Variants in SLC22A23 observed in about 807,000 individuals in gnomAD.
SLC22A23 encodes solute carrier family 22 member 23.
In SLC22A23, 26 loss-of-function variants were observed where a neutral mutation model predicts 61.0. The observed-to-expected ratio is 0.43, with a 90% CI of 0.31 to 0.59. The LOEUF is 0.59. SLC22A23 is among the 20% of genes least tolerant of loss of function. The pLI, the probability that SLC22A23 is intolerant of heterozygous loss-of-function variation, is 0.11. For synonymous variants in SLC22A23, 430 were observed against 413.9 expected (o/e 1.04, Z -0.47); for missense variants, 796 against 934.7 (o/e 0.85, Z 1.94).
chr6:3,280,556 C>T (rs917757691), intron 9 of SLC22A23, among the ~76,000 whole-genome samples: 1 of 133,062 alleles, frequency 7.5e-6, no homozygotes, highest in Non-Finnish European at 1.5e-5. Flanking sequence ...AGTGCAGTGG[C>T]GCGATCTCGG....
At position 3,387,310 on chromosome 6, in the gene SLC22A23, G is replaced by C. The variant is rs1022971546; in HGVS notation, c.913+22878C>G. On this transcript the variant is annotated intron_variant, in intron 3 of 9. Coordinates refer to ENST00000406686, the MANE Select transcript of SLC22A23 (RefSeq NM_015482.2). The surrounding 1 kb of genome is among the most constrained non-coding windows in gnomAD (Gnocchi z 5.0). ...GCCTCGATACGACGCCATGAGCAGGGTGGTGCTCTTCCCCCTAGTCTGATC... is the reference window on the plus strand; with the variant it reads ...GCCTCGATACGACGCCATGAGCAGGCTGGTGCTCTTCCCCCTAGTCTGATC... Among the ~76,000 whole-genome samples the C allele has an allele frequency of 6.6e-6, 1 of 152,230 alleles. No homozygotes were observed. The highest frequency in any genetic ancestry group is 1.5e-5 in the Non-Finnish European group (1 of 68,050).
chr6:3,385,372 C>G (rs374848941), intron 3 of SLC22A23, among the ~76,000 whole-genome samples: 1 of 152,024 alleles, frequency 6.6e-6, no homozygotes, highest in African/African-American at 2.4e-5. Flanking sequence ...AAAAATTAGC[C>G]GGGTGCGGTG....
chr6:3,397,542 A>G (rs1304641858), intron 3 of SLC22A23, among the ~76,000 whole-genome samples: 1 of 152,234 alleles, frequency 6.6e-6, no homozygotes, highest in Non-Finnish European at 1.5e-5. Flanking sequence ...GAGCTACTTT[A>G]CATGGTTACT....
intron 1 of SLC22A23, among the ~76,000 whole-genome samples, chr6:3,448,563 C>G (rs557904618): frequency 1.3e-5 from 2 of 152,022 alleles, no homozygotes; most frequent in African/African-American, 4.8e-5. Flanking sequence ...TTGTGATCTC[C>G]GCTCACTGCA....
At chr6:3,411,381 G>A (rs754282793) in intron 2 of SLC22A23, among the ~76,000 whole-genome samples, 11 of 152,126 alleles carry the variant, frequency 7.2e-5, no homozygotes, top group African/African-American at 1.7e-4. Context: ...TGTCCTAGAC[G>A]TGTTAATTAC....
intron 3 of SLC22A23, among the ~76,000 whole-genome samples, chr6:3,408,688 T>G (rs951572180): frequency 6.6e-6 from 1 of 152,212 alleles, no homozygotes; most frequent in Non-Finnish European, 1.5e-5. Context: ...TGCGGTAAGG[T>G]AATTTTCCAT....
intron 5 of SLC22A23, among the ~76,000 whole-genome samples, chr6:3,293,088 A>C (rs1207785486): frequency 6.6e-6 from 1 of 152,196 alleles, no homozygotes; most frequent in African/African-American, 2.4e-5. Context: ...CAGGGAAAAC[A>C]CACGCAGAGG....
At position 3,333,012 on chromosome 6, in the gene SLC22A23, C is replaced by T. The variant is rs961620950; in HGVS notation, c.914-9010G>A. On this transcript the variant is annotated intron_variant, in intron 3 of 9. Coordinates refer to ENST00000406686, the MANE Select transcript of SLC22A23 (RefSeq NM_015482.2). The surrounding 1 kb of genome is among the most constrained non-coding windows in gnomAD (Gnocchi z 4.1). ...GGTTCAGGTTTTTGGAAGAGCGTAT[C>T]GCAGCTGGTGCCTGTGCGTCACGGT... Among the ~76,000 whole-genome samples, 2 of 152,130 alleles carry T rather than the reference C, an allele frequency of 1.3e-5. No homozygotes were observed. Among genetic ancestry groups the T allele is most frequent in the African/African-American group, 2.4e-5 (1 of 41,412 alleles).
rs1000203096 is a variant in SLC22A23 at position 3,387,873 on chromosome 6, G to A, written c.913+22315C>T. 2.6e-5 allele frequency among the ~76,000 whole-genome samples: 4 copies of A among 152,310 alleles called. No homozygotes were observed. Among genetic ancestry groups the A allele is most frequent in the East Asian group, 1.9e-4 (1 of 5,188 alleles). On this transcript the variant is annotated intron_variant, in intron 3 of 9. Transcript: ENST00000406686. The surrounding 1 kb of genome is among the most constrained non-coding windows in gnomAD (Gnocchi z 5.0). ...GTGGCAGGAAAGGAGAAGGCAGGCCGCAGCGAGGATGTCCTGGCAGCCCAC... is the reference window on the plus strand; with the variant it reads ...GTGGCAGGAAAGGAGAAGGCAGGCCACAGCGAGGATGTCCTGGCAGCCCAC...
At position 3,414,011 on chromosome 6, in the gene SLC22A23, C is replaced by T. The variant is rs189428683; in HGVS notation, c.758+1741G>A. On this transcript the variant is annotated intron_variant, in intron 2 of 9. Transcript: ENST00000406686. This position sits in a 1 kb window ranked among gnomAD's most constrained non-coding sequence, Gnocchi z 5.1. The stretch of plus-strand genomic sequence containing the variant: ...CTTCTGGTTACTCTAAGAGCAAGAC[C>T]CAAACTCTTTTGTCCTCAGGCCTGG... 2.0e-5 allele frequency among the ~76,000 whole-genome samples: 3 copies of T among 152,316 alleles called. No individual in the cohort carries two copies. The East Asian group carries it at 5.8e-4, about 29-fold the overall frequency.
intron 2 of SLC22A23, among the ~76,000 whole-genome samples, chr6:3,412,419 C>A (rs1769330598): frequency 6.6e-6 from 1 of 152,174 alleles, no homozygotes. Context: ...TTAATGTCTG[C>A]TTCATAATGT....
chr6:3,435,645 T>C (rs76225239), intron 1 of SLC22A23, among the ~76,000 whole-genome samples: 1,910 of 152,264 alleles, frequency 0.013, 13 homozygotes, highest in Admixed American at 0.022. Context: ...ACTCAGCCCA[T>C]GCTCCAGAGA....
At chr6:3,321,034 G>A (rs1561895770) in intron 4 of SLC22A23, among the ~76,000 whole-genome samples, 2 of 152,028 alleles carry the variant, frequency 1.3e-5, no homozygotes, top group African/African-American at 2.4e-5. Context: ...CCACAATGAC[G>A]CACAGCTGGT....
chr6:3,269,492 T>G lies in SLC22A23; in HGVS notation c.*3563A>C, dbSNP rs1439420925. 4 of 152,758 alleles carry G rather than the reference T, an allele frequency of 2.6e-5. No homozygotes were observed. The highest frequency in any genetic ancestry group is 5.9e-5 in the Non-Finnish European group (4 of 68,044). The allele number at this position is 152,758 out of a possible 1,614,324, so 9.5% of individuals were successfully genotyped here. A position where few individuals can be genotyped will look rare whatever the true frequency, so the allele number is the denominator to read the frequency against. ...GGGGCAACGTTTTTATTTCTGTACA[T>G]TTACATACAAATTTTCCCCAAAGGT... is the stretch of plus-strand genomic sequence containing the variant. On this transcript the variant is annotated 3_prime_UTR_variant, in exon 10 of 10. Coordinates refer to ENST00000406686, the MANE Select transcript of SLC22A23 (RefSeq NM_015482.2).
At chr6:3,415,932 C>A (rs1323149335) in intron 1 of SLC22A23, 77 bp from the exon 2 acceptor site, 9 of 1,083,730 alleles carry the variant, frequency 8.3e-6, no homozygotes, top group East Asian at 7.7e-5. Flanking sequence ...AAGGGCAATA[C>A]AATAACCCTG....
rs554380502 is a variant in SLC22A23, at chr6:3,327,146, C to T, written c.914-3144G>A. 6.6e-6 allele frequency among the ~76,000 whole-genome samples: 1 copy of T among 152,336 alleles called. No individual in the cohort carries two copies. Among genetic ancestry groups the T allele is most frequent in the African/African-American group, 2.4e-5 (1 of 41,586 alleles). On this transcript the variant is annotated intron_variant, in intron 3 of 9. Coordinates refer to ENST00000406686, the MANE Select transcript of SLC22A23 (RefSeq NM_015482.2). The surrounding 1 kb of genome is among the most constrained non-coding windows in gnomAD (Gnocchi z 4.1). ...CAAGCAGAAGCATTTGGTGCAGCAGCTCCCACACCTTGAAGATGGTTCCAG... is the reference window on the plus strand; with the variant it reads ...CAAGCAGAAGCATTTGGTGCAGCAGTTCCCACACCTTGAAGATGGTTCCAG...
At chr6:3,292,088 TTCC>T (rs1419987317) in intron 5 of SLC22A23, 1 of 152,200 alleles carries the variant, frequency 6.6e-6, no homozygotes, top group African/African-American at 2.4e-5. Context: ...CATGAAGCGC[TTCC>T]TCCCATGTCT....
intron 1 of SLC22A23, among the ~76,000 whole-genome samples, chr6:3,440,744 GAC>G (rs1320451949): frequency 3.3e-5 from 5 of 151,628 alleles, no homozygotes; most frequent in African/African-American, 7.3e-5. Flanking sequence ...TGAGGACGCA[GAC>G]ACACACAGAG....
chr6:3,448,209 A>T lies in SLC22A23; in HGVS notation c.654+7697T>A, dbSNP rs187728346. On this transcript the variant is annotated intron_variant, in intron 1 of 9. Coordinates refer to ENST00000406686, the MANE Select transcript of SLC22A23 (RefSeq NM_015482.2). ...TGAGCCACCGCGCCCGGCCAAAAAA[A>T]TTTTTTCAAGTGGTCCAGGGTCACA... Among the ~76,000 whole-genome samples the T allele has an allele frequency of 2.8e-3, 430 of 151,332 alleles. 14 individuals are homozygous for T. Among genetic ancestry groups the T allele is most frequent in the Admixed American group, 0.024 (362 of 15,206 alleles).
Sources: gnomAD v4.1 joint callset for allele counts (sites outside exome capture counted in the v4.1 genomes callset) on GRCh38, gnomAD v4.1.1 for gene constraint, Gnocchi (gnomAD v3.1) non-coding constraint, MANE v1.5 for transcripts, NCBI Gene and HGNC (gene_info 2026-07-23, HGNC 2026-07-21) for gene names.